Variants in PDK1 observed in about 807,000 individuals in gnomAD.
PDK1 encodes [Pyruvate dehydrogenase (acetyl-transferring)] kinase isozyme 1, mitochondrial.
Under a neutral mutation model 54.2 loss-of-function variants are expected in PDK1, and 39 were observed. That is an observed-to-expected ratio of 0.72 (90% CI 0.56 to 0.94). The LOEUF (loss-of-function observed/expected upper bound fraction) is 0.94. Ranked by LOEUF, PDK1 falls within the 40% of genes least tolerant of loss-of-function variation. The probability of loss-of-function intolerance (pLI) is 0.00; values close to 1 mark genes in which losing one functional copy is unlikely to be tolerated. For synonymous variants in PDK1, 221 were observed against 207.1 expected, an observed-to-expected ratio of 1.07 and a Z score of -0.58; for missense variants, 552 against 566.0, an observed-to-expected ratio of 0.98 and a Z score of 0.25.
chr2:172,581,006 G>A (rs190884493), intron 8 of PDK1, among the ~76,000 whole-genome samples: 1 of 151,690 alleles, frequency 6.6e-6, no homozygotes, highest in African/African-American at 2.4e-5. Flanking sequence ...TTCTAAAATT[G>A]ACAGTGGTAA....
At chr2:172,571,849 T>TTTTTTTTTTG (rs1553480311) in intron 8 of PDK1, among the ~76,000 whole-genome samples, 1 of 136,678 alleles carries the variant, frequency 7.3e-6, no homozygotes, top group Non-Finnish European at 1.6e-5. Flanking sequence ...TTTTTTTTTT[T>TTTTTTTTTTG]GAGATGGAGT....
the PDK1 span, among the ~76,000 whole-genome samples, chr2:172,662,034 A>G: frequency 6.6e-6 from 1 of 152,242 alleles, no homozygotes; most frequent in Non-Finnish European, 1.5e-5. Context: ...AGTTGTTACA[A>G]TGTGAATAGT....
At chr2:172,631,743 A>C in the PDK1 span, among the ~76,000 whole-genome samples, 1 of 152,190 alleles carries the variant, frequency 6.6e-6, no homozygotes, top group Non-Finnish European at 1.5e-5. Context: ...GAAAACTCAA[A>C]GAACCTCTAT....
the PDK1 span, among the ~76,000 whole-genome samples, chr2:172,659,867 G>A: frequency 6.6e-6 from 1 of 152,170 alleles, no homozygotes; most frequent in Non-Finnish European, 1.5e-5. Flanking sequence ...TTGTTAAGGA[G>A]CAGCACCTTT....
chr2:172,650,608 AG>A, the PDK1 span, among the ~76,000 whole-genome samples: 1 of 152,296 alleles, frequency 6.6e-6, no homozygotes, highest in Non-Finnish European at 1.5e-5. Flanking sequence ...AGACACACAT[AG>A]GCTCAAAATA....
At chr2:172,704,607 C>CA in the PDK1 span, among the ~76,000 whole-genome samples, 2 of 152,106 alleles carry the variant, frequency 1.3e-5, no homozygotes, top group Non-Finnish European at 2.9e-5. Context: ...AGCCCACATC[C>CA]AAAGCACCAC....
At chr2:172,645,877 A>T in the PDK1 span, among the ~76,000 whole-genome samples, 523 of 152,348 alleles carry the variant, frequency 3.4e-3, 3 homozygotes, top group African/African-American at 0.011. Context: ...CAGTAATAAA[A>T]TAATGTATAT....
At chr2:172,656,960 T>G in the PDK1 span, among the ~76,000 whole-genome samples, 2 of 152,170 alleles carry the variant, frequency 1.3e-5, no homozygotes, top group Non-Finnish European at 1.5e-5. Context: ...CCCAGAGTTT[T>G]TAACTCCCAA....
chr2:172,646,307 G>A, the PDK1 span, among the ~76,000 whole-genome samples: 1 of 152,090 alleles, frequency 6.6e-6, no homozygotes, highest in African/African-American at 2.4e-5. Flanking sequence ...CTGAGAGAAG[G>A]ATGCTAGAAA....
chr2:172,656,507 T>G, the PDK1 span, among the ~76,000 whole-genome samples: 1 of 152,192 alleles, frequency 6.6e-6, no homozygotes, highest in Non-Finnish European at 1.5e-5. Context: ...CTTCCCCAGG[T>G]TGATTAGGCT....
At chr2:172,574,905 AT>A (rs1240208150) in intron 8 of PDK1, among the ~76,000 whole-genome samples, 2 of 152,226 alleles carry the variant, frequency 1.3e-5, no homozygotes, top group Non-Finnish European at 2.9e-5. Context: ...ACAGTGTTGA[AT>A]AGAAGTGCTG....
chr2:172,718,235 A>G, the PDK1 span, among the ~76,000 whole-genome samples: 1 of 152,248 alleles, frequency 6.6e-6, no homozygotes, highest in Non-Finnish European at 1.5e-5. Context: ...AGTTTGAGAC[A>G]GGTAAAATTC....
chr2:172,691,977 C>T, the PDK1 span, among the ~76,000 whole-genome samples: 1 of 152,102 alleles, frequency 6.6e-6, no homozygotes, highest in Non-Finnish European at 1.5e-5. Context: ...TTGTAAGAAC[C>T]TTGGTGTATT....
the PDK1 span, among the ~76,000 whole-genome samples, chr2:172,641,629 A>G: frequency 1.3e-5 from 2 of 151,972 alleles, no homozygotes; most frequent in African/African-American, 2.4e-5. Flanking sequence ...TTTTTAGTAC[A>G]GATGGGGTTT....
upstream of PDK1, chr2:172,555,416 G>A (rs1342299580): frequency 2.0e-5 from 3 of 152,148 alleles, no homozygotes; most frequent in African/African-American, 7.2e-5. Flanking sequence ...GGCTCAGAGA[G>A]GTTAAACAGC....
chr2:172,641,279 A>C, the PDK1 span, among the ~76,000 whole-genome samples: 50 of 151,986 alleles, frequency 3.3e-4, no homozygotes, highest in Admixed American at 7.2e-4. Context: ...GGCACGAATC[A>C]TCACCACACC....
intron 1 of PDK1, among the ~76,000 whole-genome samples, chr2:172,557,483 T>C (rs763277641): frequency 6.6e-6 from 1 of 151,892 alleles, no homozygotes; most frequent in Admixed American, 6.6e-5. Flanking sequence ...GATATGGGAG[T>C]GTAGAGGGGT....
the PDK1 span, among the ~76,000 whole-genome samples, chr2:172,628,896 A>G: frequency 6.6e-6 from 1 of 152,092 alleles, no homozygotes; most frequent in Non-Finnish European, 1.5e-5. Flanking sequence ...AGTTGGGAGG[A>G]CTTCTTGAGC....
the PDK1 span, among the ~76,000 whole-genome samples, chr2:172,626,458 C>G: frequency 8.7e-4 from 133 of 152,056 alleles, no homozygotes; most frequent in Non-Finnish European, 1.2e-3. Context: ...GTTTGGCAAT[C>G]CATATAGACA....
Sources: gnomAD v4.1 joint callset for allele counts (sites outside exome capture counted in the v4.1 genomes callset) on GRCh38, gnomAD v4.1.1 for gene constraint, MANE v1.5 for transcripts, NCBI Gene and HGNC (gene_info 2026-07-23, HGNC 2026-07-21) for gene names.